Variants in ATP2C1 observed in about 807,000 individuals in gnomAD.
ATP2C1 encodes calcium-transporting ATPase type 2C member 1.
In ATP2C1, 31 loss-of-function variants were observed where a neutral mutation model predicts 120.5. The ratio of observed to expected loss-of-function variants is 0.26; its 90% CI spans 0.19 to 0.35. The LOEUF (loss-of-function observed/expected upper bound fraction) is 0.35, where lower values mean the gene tolerates loss of function less well. ATP2C1 is among the 10% of genes least tolerant of loss of function. ATP2C1 has a pLI of 1.00. For synonymous variants in ATP2C1, 351 were observed against 358.7 expected, an observed-to-expected ratio of 0.98 and a Z score of 0.24; for missense variants, 731 against 1,107.5, an observed-to-expected ratio of 0.66 and a Z score of 4.83.
intron 21 of ATP2C1, 51 bp downstream of exon 21, chr3:130,993,052 A>G (rs371213669): frequency 3.3e-6 from 5 of 1,509,200 alleles, no homozygotes; most frequent in South Asian, 1.1e-5. Context: ...AAATGCTGCT[A>G]CTTTACTTTT....
intron 1 of ATP2C1, among the ~76,000 whole-genome samples, chr3:130,872,273 C>G (rs1316833911): frequency 1.3e-5 from 2 of 151,972 alleles, no homozygotes; most frequent in Non-Finnish European, 2.9e-5. Context: ...TTTTCCCTAG[C>G]CCTTACTCTG....
At chr3:130,971,144 A>G (rs1175321580) in intron 17 of ATP2C1, among the ~76,000 whole-genome samples, 1 of 152,114 alleles carries the variant, frequency 6.6e-6, no homozygotes, top group Admixed American at 6.5e-5. Flanking sequence ...ACTTTTTTTG[A>G]TAGGTCTATT....
intron 2 of ATP2C1, among the ~76,000 whole-genome samples, chr3:130,920,741 C>A (rs575189663): frequency 1.3e-5 from 2 of 152,090 alleles, no homozygotes; most frequent in African/African-American, 4.8e-5. Context: ...ATAGTGATTG[C>A]GTAGAATTTA....
chr3:130,952,957 T>A (rs1222590143), intron 8 of ATP2C1, among the ~76,000 whole-genome samples: 4 of 152,188 alleles, frequency 2.6e-5, no homozygotes, highest in Non-Finnish European at 4.4e-5. Context: ...ATATCTGTAT[T>A]CCTGTTGAGG....
intron 26 of ATP2C1, chr3:131,016,040 T>C: frequency 1.5e-6 from 2 of 1,365,704 alleles, no homozygotes; most frequent in Non-Finnish European, 2.0e-6. Context: ...TTTTTTTGTT[T>C]TGGTTTTTTT....
rs377570953 is a variant in ATP2C1 at position 130,968,707 on chromosome 3, G to A, written c.1309-585G>A. 3.8e-3 allele frequency among the ~76,000 whole-genome samples: 579 copies of A among 152,234 alleles called. 1 individual carries two copies. The highest frequency in any genetic ancestry group is 6.2e-3 in the Non-Finnish European group (423 of 68,008). On this transcript the variant is annotated intron_variant, in intron 16 of 27. Coordinates refer to ENST00000510168, the MANE Select transcript of ATP2C1 (RefSeq NM_001378687.1). ...AACATGTTTCAGTAGAAAGTAGAAA[G>A]CAATACATGGTAGAATTTTGAGTAG...
chr3:130,998,468 A>G (rs942500810), intron 26 of ATP2C1, 79 bp downstream of exon 26: 1 of 1,099,210 alleles, frequency 9.1e-7, no homozygotes, highest in Non-Finnish European at 1.4e-6. Flanking sequence ...GGCAAAGATT[A>G]TGGGTTTTTA....
At position 130,969,357 on chromosome 3, in the gene ATP2C1, A is replaced by C; in HGVS notation, c.1374A>C (p.Gln458His). 1 of 1,613,976 alleles carries C rather than the reference A, an allele frequency of 6.2e-7. No homozygotes were observed. Among genetic ancestry groups the C allele is most frequent in the Non-Finnish European group, 8.5e-7 (1 of 1,179,908 alleles). The change falls in exon 17 of 28, where the codon CAA becomes CAC. Residue 458 changes from glutamine (Q) to histidine (H), a missense_variant. Transcript: ENST00000510168. ...RKAEYPFSSEQKWMAVKCVHR... is the reference protein window; with the variant it reads ...RKAEYPFSSEHKWMAVKCVHR... ...CTGAATACCCTTTTAGCTCTGAGCA[A>C]AAGTGGATGGCTGTTAAGTGTGTAC... is the stretch of plus-strand genomic sequence containing the variant.
chr3:131,007,671 C>A (rs1196817793), downstream of ATP2C1, among the ~76,000 whole-genome samples: 1 of 152,132 alleles, frequency 6.6e-6, no homozygotes, highest in Non-Finnish European at 1.5e-5. Flanking sequence ...CATTAAAGAA[C>A]TTTCTATTAA....
At chr3:130,887,340 T>A (rs2069007034) in intron 1 of ATP2C1, among the ~76,000 whole-genome samples, 2 of 152,098 alleles carry the variant, frequency 1.3e-5, no homozygotes, top group Non-Finnish European at 2.9e-5. Flanking sequence ...GTACCACCCA[T>A]GTTCACTCAA....
chr3:130,881,735 T>G (rs1476733969), intron 1 of ATP2C1, among the ~76,000 whole-genome samples: 2 of 152,248 alleles, frequency 1.3e-5, no homozygotes, highest in Non-Finnish European at 2.9e-5. Context: ...ATTGCTTTCA[T>G]CAGTGTTTTA....
intron 2 of ATP2C1, among the ~76,000 whole-genome samples, chr3:130,925,020 C>T (rs1171226328): frequency 6.6e-6 from 1 of 152,134 alleles, no homozygotes; most frequent in Non-Finnish European, 1.5e-5. Flanking sequence ...TCAGCTTTCT[C>T]TGGTGCCTCC....
At position 130,996,670 on chromosome 3, in the gene ATP2C1, T is replaced by G. The variant is rs1170958779; in HGVS notation, c.2127-10T>G. 1.3e-6 allele frequency: 2 copies of G among 1,536,234 alleles called. No homozygotes were observed. Among genetic ancestry groups the G allele is most frequent in the East Asian group, 2.2e-5 (1 of 44,456 alleles). On this transcript the variant is annotated splice_polypyrimidine_tract_variant and intron_variant, in intron 23 of 27. Coordinates refer to ENST00000510168, the MANE Select transcript of ATP2C1 (RefSeq NM_001378687.1). ...TACTGATATTTTTAAATGACTCTCT[T>G]TTTCAACAGGAGTATAGCAGCATTA...
At chr3:130,915,876 A>G (rs1236245123) in intron 2 of ATP2C1, among the ~76,000 whole-genome samples, 2 of 152,174 alleles carry the variant, frequency 1.3e-5, no homozygotes, top group South Asian at 2.1e-4. Context: ...AGCCATTTAT[A>G]TTTAGCCTGA....
chr3:130,985,767 A>G (rs191553217), intron 20 of ATP2C1, among the ~76,000 whole-genome samples: 5 of 152,274 alleles, frequency 3.3e-5, no homozygotes, highest in Admixed American at 1.3e-4. Context: ...GAGATAGTCC[A>G]TAAAAGCTGG....
chr3:130,871,368 T>C (rs1426023046), intron 1 of ATP2C1, among the ~76,000 whole-genome samples: 1 of 152,248 alleles, frequency 6.6e-6, no homozygotes, highest in Admixed American at 6.5e-5. Context: ...GCTGAAACTT[T>C]AGCATGCATT....
rs779592138 is a variant in ATP2C1 at position 130,850,879 on chromosome 3, CA to C, written c.61del (p.Ile21LeufsTer8). 7.0e-7 allele frequency: 1 copy of C among 1,430,480 alleles called. No homozygotes were observed. The highest frequency in any genetic ancestry group is 1.6e-5 in the South Asian group (1 of 64,142). The allele number at this position is 1,430,480 out of a possible 1,614,324, so 88.6% of individuals were successfully genotyped here. A position where few individuals can be genotyped will look rare whatever the true frequency, so the allele number is the denominator to read the frequency against. On this transcript the variant is annotated frameshift_variant, in exon 1 of 27. Coordinates refer to the ATP2C1 transcript ENST00000504381. LOFTEE classifies it high-confidence loss of function. The stretch of plus-strand genomic sequence containing the variant: ...TATTTCAAAAAATATCCTCTCCATG[CA>C]ATTAGGAGATATTTATCGACGCTGA...
At chr3:130,934,122 G>T (rs2059566763) in intron 4 of ATP2C1, among the ~76,000 whole-genome samples, 1 of 152,176 alleles carries the variant, frequency 6.6e-6, no homozygotes, top group Non-Finnish European at 1.5e-5. Flanking sequence ...AGGAAAGCTA[G>T]CCTTGAGGAA....
chr3:130,977,475 C>T (rs1252906151), intron 18 of ATP2C1, among the ~76,000 whole-genome samples: 2 of 152,130 alleles, frequency 1.3e-5, no homozygotes, highest in Non-Finnish European at 2.9e-5. Context: ...AGTCTTGCTA[C>T]TCTTAGCAGC....
Sources: allele counts gnomAD v4.1 joint callset (sites outside exome capture counted in the v4.1 genomes callset), GRCh38; gene constraint gnomAD v4.1.1; transcripts MANE v1.5; gene names NCBI Gene and HGNC (gene_info 2026-07-23, HGNC 2026-07-21).